The following RANBP2 variants were observed in gnomAD, a reference collection of about 807,000 sequenced individuals.
RANBP2 encodes E3 SUMO-protein ligase RanBP2.
RANBP2 carries 57 observed loss-of-function variants against 303.6 expected under a neutral mutation model. The observed-to-expected ratio is 0.19, with a 90% CI of 0.15 to 0.23. The LOEUF (loss-of-function observed/expected upper bound fraction) is 0.23. Ranked by LOEUF, RANBP2 falls within the 10% of genes least tolerant of loss-of-function variation. The probability of loss-of-function intolerance (pLI) is 1.00; values close to 1 mark genes in which losing one functional copy is unlikely to be tolerated. For synonymous variants in RANBP2, 1,167 were observed against 1,301.5 expected (o/e 0.90, Z 2.23); for missense variants, 3,138 against 3,780.8 (o/e 0.83, Z 4.46).
At chr2:109,137,622 T>C in the RANBP2 span, among the ~76,000 whole-genome samples, 1 of 152,216 alleles carries the variant, frequency 6.6e-6, no homozygotes. Context: ...CATTCATGGG[T>C]GACTGCATTC....
the RANBP2 span, among the ~76,000 whole-genome samples, chr2:109,646,225 C>T: frequency 1.3e-5 from 2 of 152,272 alleles, no homozygotes; most frequent in South Asian, 2.1e-4. Flanking sequence ...GTGGCACTGG[C>T]TTCAGACTAG....
chr2:108,840,013 C>T, the RANBP2 span, among the ~76,000 whole-genome samples: 27 of 152,090 alleles, frequency 1.8e-4, no homozygotes, highest in Admixed American at 4.6e-4. Flanking sequence ...TTCATAGATA[C>T]TTTCAATCAA....
chr2:109,682,183 G>A, the RANBP2 span, among the ~76,000 whole-genome samples: 1 of 152,206 alleles, frequency 6.6e-6, no homozygotes, highest in African/African-American at 2.4e-5. Flanking sequence ...ATAATTTCCT[G>A]TTGGGAAAAA....
chr2:109,357,204 C>T, the RANBP2 span, among the ~76,000 whole-genome samples: 16 of 150,698 alleles, frequency 1.1e-4, no homozygotes, highest in East Asian at 1.9e-4. Context: ...TTTTTTGAGA[C>T]GGAGTCTTAC....
chr2:108,861,472 CTT>C, the RANBP2 span, among the ~76,000 whole-genome samples: 3 of 123,552 alleles, frequency 2.4e-5, no homozygotes, highest in African/African-American at 1.2e-4. Context: ...AACTTTCTTC[CTT>C]TTTTTTTTTT....
chr2:109,501,823 A>G, the RANBP2 span: 1 of 598,696 alleles, frequency 1.7e-6, no homozygotes, highest in East Asian at 2.8e-5. Context: ...GGGGCCAGGG[A>G]CTGTGGAGGT....
chr2:109,426,697 C>T, the RANBP2 span, among the ~76,000 whole-genome samples: 1 of 152,126 alleles, frequency 6.6e-6, no homozygotes, highest in Non-Finnish European at 1.5e-5. Context: ...AAGAGGATTG[C>T]CTCCAATTTT....
the RANBP2 span, among the ~76,000 whole-genome samples, chr2:109,006,671 C>T: frequency 6.6e-6 from 1 of 152,122 alleles, no homozygotes; most frequent in Non-Finnish European, 1.5e-5. Context: ...CCCCGAAGTC[C>T]ACAGAGCTTT....
chr2:109,609,253 A>C, the RANBP2 span, among the ~76,000 whole-genome samples: 2 of 152,238 alleles, frequency 1.3e-5, no homozygotes, highest in African/African-American at 4.8e-5. Flanking sequence ...AGCAAGAATA[A>C]AATTGTCCAA....
the RANBP2 span, among the ~76,000 whole-genome samples, chr2:108,938,203 A>G: frequency 6.6e-6 from 1 of 152,308 alleles, no homozygotes; most frequent in East Asian, 1.9e-4. Context: ...ATTTGACTCA[A>G]CTTTTTCCGC....
At chr2:108,955,809 A>G in the RANBP2 span, among the ~76,000 whole-genome samples, 12 of 152,166 alleles carry the variant, frequency 7.9e-5, no homozygotes, top group African/African-American at 2.4e-4. Flanking sequence ...GGCAGACCAC[A>G]AGGTCAGGAG....
At chr2:109,106,616 C>T in the RANBP2 span, among the ~76,000 whole-genome samples, 2 of 152,170 alleles carry the variant, frequency 1.3e-5, no homozygotes, top group Admixed American at 1.3e-4. Context: ...ATGGGTGGAT[C>T]ATGAGGTCAG....
intron 6 of RANBP2, among the ~76,000 whole-genome samples, chr2:108,738,975 A>G (rs950852406): frequency 6.6e-6 from 1 of 152,152 alleles, no homozygotes; most frequent in African/African-American, 2.4e-5. Flanking sequence ...CAACAGCAAA[A>G]AAGTAGTCAG....
At chr2:109,489,957 C>G in the RANBP2 span, among the ~76,000 whole-genome samples, 1 of 152,136 alleles carries the variant, frequency 6.6e-6, no homozygotes. Flanking sequence ...AGGCTGGTCT[C>G]GAACTCCTGA....
chr2:108,754,773 T>C (rs1156509641), intron 15 of RANBP2, 132 bp from the exon 16 acceptor site: 16 of 1,047,054 alleles, frequency 1.5e-5, no homozygotes, highest in African/African-American at 3.4e-5. Flanking sequence ...CACTTTCACG[T>C]GTATTATTTA....
the RANBP2 span, among the ~76,000 whole-genome samples, chr2:108,967,370 G>T: frequency 6.6e-6 from 1 of 152,182 alleles, no homozygotes; most frequent in African/African-American, 2.4e-5. Flanking sequence ...TTCTCCCTGA[G>T]GCTGCAGCAA....
the RANBP2 span, chr2:109,544,203 T>G: frequency 6.2e-7 from 1 of 1,607,052 alleles, no homozygotes; most frequent in East Asian, 2.2e-5. Flanking sequence ...GTTCACCAAA[T>G]ATAGAAGTGA....
chr2:109,170,310 TTCTCTCCTCTCTC>T, the RANBP2 span, among the ~76,000 whole-genome samples: 11 of 132,688 alleles, frequency 8.3e-5, no homozygotes, highest in South Asian at 4.9e-4. Flanking sequence ...TTCTCTTCTC[TTCTCTCCTCTCTC>T]TCTCTCCTCT....
chr2:109,489,152 T>C, the RANBP2 span, among the ~76,000 whole-genome samples: 1 of 152,250 alleles, frequency 6.6e-6, no homozygotes, highest in Non-Finnish European at 1.5e-5. Flanking sequence ...TATATCTCTT[T>C]CCCTCTCTAT....
Sources: gnomAD v4.1 joint callset for allele counts (sites outside exome capture counted in the v4.1 genomes callset) on GRCh38, gnomAD v4.1.1 for gene constraint, MANE v1.5 for transcripts, NCBI Gene and HGNC (gene_info 2026-07-23, HGNC 2026-07-21) for gene names.